LINS1: variants seen among roughly 807,000 people sequenced by gnomAD.
The protein encoded by LINS1 is protein Lines homolog 1.
LINS1 carries 27 observed loss-of-function variants against 41.6 expected under a neutral mutation model. The observed-to-expected ratio is 0.65, with a 90% CI of 0.48 to 0.89. The LOEUF (loss-of-function observed/expected upper bound fraction) is 0.89, where lower values mean the gene tolerates loss of function less well. Among genes scored for constraint, LINS1 ranks in the 40% least tolerant of loss-of-function variants. The pLI, the probability that LINS1 is intolerant of heterozygous loss-of-function variation, is 0.00. For missense variants in LINS1, 955 were observed against 884.1 expected, an observed-to-expected ratio of 1.08 and a Z score of -1.02; for synonymous variants, 336 against 312.9, an observed-to-expected ratio of 1.07 and a Z score of -0.78.
At chr15:100,600,550 G>GC (rs201703689) in intron 1 of LINS1, among the ~76,000 whole-genome samples, 3 of 3,164 alleles carry the variant, frequency 9.5e-4, no homozygotes, top group African/African-American at 4.5e-3. Flanking sequence ...CTGCTGTTAA[G>GC]CAAAAAAAAA....
intron 3 of LINS1, among the ~76,000 whole-genome samples, chr15:100,579,323 A>G (rs1044653294): frequency 1.1e-4 from 17 of 151,910 alleles, no homozygotes; most frequent in Non-Finnish European, 2.2e-4. Flanking sequence ...AATTCAGATT[A>G]CTACTGGATT....
At chr15:100,598,164 C>T (rs558329931) in intron 1 of LINS1, among the ~76,000 whole-genome samples, 13 of 152,314 alleles carry the variant, frequency 8.5e-5, no homozygotes, top group East Asian at 7.7e-4. Context: ...TATACTTTAA[C>T]GATTTGTGCA....
intron 5 of LINS1, chr15:100,573,327 A>AT: frequency 9.6e-7 from 1 of 1,038,436 alleles, no homozygotes; most frequent in Non-Finnish European, 1.2e-6. Flanking sequence ...AAAAAAAAAA[A>AT]GGATTAATAT....
chr15:100,589,478 G>A (rs576887128), intron 1 of LINS1, among the ~76,000 whole-genome samples: 1 of 152,334 alleles, frequency 6.6e-6, no homozygotes, highest in South Asian at 2.1e-4. Context: ...CTAATGTGGA[G>A]AAACAACTGG....
At chr15:100,589,608 C>G (rs1363104065) in intron 1 of LINS1, among the ~76,000 whole-genome samples, 1 of 152,160 alleles carries the variant, frequency 6.6e-6, no homozygotes, top group African/African-American at 2.4e-5. Context: ...CATTCCATGA[C>G]TCATCATAGA....
At chr15:100,599,383 C>CA (rs2039376883) in intron 1 of LINS1, among the ~76,000 whole-genome samples, 1 of 152,170 alleles carries the variant, frequency 6.6e-6, no homozygotes, top group African/African-American at 2.4e-5. Flanking sequence ...GAAACTTTGA[C>CA]AATATGATGT....
At chr15:100,578,745 A>G (rs1219636395) in intron 3 of LINS1, among the ~76,000 whole-genome samples, 1 of 152,188 alleles carries the variant, frequency 6.6e-6, no homozygotes, top group East Asian at 1.9e-4. Flanking sequence ...TTGTGGCACT[A>G]CTCACAATAG....
intron 1 of LINS1, among the ~76,000 whole-genome samples, chr15:100,583,558 C>T (rs1004896455): frequency 7.2e-5 from 11 of 152,316 alleles, no homozygotes; most frequent in Non-Finnish European, 7.3e-5. Context: ...TATACTTTAT[C>T]TCAGCCCTGC....
At chr15:100,581,019 T>A in intron 1 of LINS1, 74 bp from the exon 2 acceptor site, 1 of 579,412 alleles carries the variant, frequency 1.7e-6, no homozygotes, top group Non-Finnish European at 3.0e-6. Flanking sequence ...TGTTTCCACT[T>A]AATCACTAAG....
intron 3 of LINS1, among the ~76,000 whole-genome samples, chr15:100,575,568 A>G (rs920454323): frequency 2.6e-5 from 4 of 152,202 alleles, no homozygotes; most frequent in African/African-American, 4.8e-5. Context: ...CCCACACAAT[A>G]ATAATGGGAG....
In LINS1 at chr15:100,567,695, T is replaced by C. The variant is rs1360739103; in HGVS notation, c.*1543A>G. The C allele has an allele frequency of 6.6e-6, 1 of 152,268 alleles. No individual in the cohort carries two copies. The highest frequency in any genetic ancestry group is 1.5e-5 in the Non-Finnish European group (1 of 68,048). The allele number at this position is 152,268 out of a possible 1,614,324, so 9.4% of individuals were successfully genotyped here. A position where few individuals can be genotyped will look rare whatever the true frequency, so the allele number is the denominator to read the frequency against. On this transcript the variant is annotated 3_prime_UTR_variant, in exon 7 of 7. Coordinates refer to ENST00000314742, the MANE Select transcript of LINS1 (RefSeq NM_001040616.3). ...TTACAAACTATGTGGCATCCTTGAA[T>C]ACACATTCTTTGACGTGCTTTTTCA...
Position 100,570,020 on chromosome 15 carries a change from A to T in LINS1, c.1492T>A (p.Phe498Ile). The T allele has an allele frequency of 1.3e-6, 2 of 1,551,688 alleles. No homozygotes were observed. The highest frequency in any genetic ancestry group is 1.7e-6 in the Non-Finnish European group (2 of 1,154,712). Residue 498 changes from phenylalanine (F) to isoleucine (I), a missense_variant, in exon 7 of 7, where the codon TTC becomes ATC. Coordinates refer to ENST00000314742, the MANE Select transcript of LINS1 (RefSeq NM_001040616.3). ...GAATCAAATCCTATATTTTTCAAGA[A>T]GAACAAGAAAATACAGTGAGGATTA... ...GYNPHCIFLF[F>I]LKNIGFDSTV...
intron 5 of LINS1, 29 bp from the exon 6 acceptor site, chr15:100,572,094 G>C (rs1377386850): frequency 1.2e-6 from 2 of 1,613,054 alleles, no homozygotes; most frequent in South Asian, 2.2e-5. Flanking sequence ...TCAAAGTGTA[G>C]GCAATAGTTT....
In LINS1 at chr15:100,575,090, T is replaced by A. The variant is rs1354363481; in HGVS notation, c.528A>T (p.Lys176Asn). Reference protein sequence around the residue: ...LSNSWIAFCQKNLSEYSESNK... With the variant: ...LSNSWIAFCQNNLSEYSESNK... ...TACTCTCAGAGTATTCAGAAAGATT[T>A]TTCTGGCAAAAAGCAATCCAGGAAT... The change falls in exon 4 of 7, where the codon AAA becomes AAT. Residue 176 changes from lysine to asparagine, a missense_variant. Lys to Asn is a moderately conservative substitution (Grantham distance 94, BLOSUM62 0). Transcript: ENST00000314742. 1 of 1,612,924 alleles carries A rather than the reference T, an allele frequency of 6.2e-7. No individual in the cohort carries two copies. Among genetic ancestry groups the A allele is most frequent in the East Asian group, 2.2e-5 (1 of 44,784 alleles).
chr15:100,574,869 G>T, intron 4 of LINS1, 118 bp downstream of exon 4: 2 of 1,075,710 alleles, frequency 1.9e-6, no homozygotes, highest in Non-Finnish European at 2.8e-6. Context: ...GGAAGAGACT[G>T]ACTTTTTCAT....
rs1299244500 is a variant in LINS1, at chr15:100,569,756, C to T, written c.1756G>A (p.Val586Met). 11 of 1,613,804 alleles carry T rather than the reference C, an allele frequency of 6.8e-6. No homozygotes were observed. The highest frequency in any genetic ancestry group is 9.3e-6 in the Non-Finnish European group (11 of 1,179,842). Residue 586 changes from valine to methionine, a missense_variant, in exon 7 of 7, where the codon GTG becomes ATG. Physicochemically the swap from Val to Met is conservative, Grantham distance 21. Coordinates refer to ENST00000314742, the MANE Select transcript of LINS1 (RefSeq NM_001040616.3). Reference protein sequence around the residue: ...RLTAPHSHRDVCARHSWASDA... With the variant: ...RLTAPHSHRDMCARHSWASDA... ...GAAGCCCAGGAGTGCCGAGCACACA[C>T]ATCTCTGTGACTATGAGGAGCAGTC...
Position 100,580,637 on chromosome 15 carries a change from A to G in LINS1, c.206T>C (p.Ile69Thr), listed in dbSNP as rs766282997. Residue 69 changes from isoleucine to threonine, a missense_variant, in exon 2 of 7, where the codon ATT becomes ACT. Coordinates refer to ENST00000314742, the MANE Select transcript of LINS1 (RefSeq NM_001040616.3). ...HQPISVGVAP[I>T]AVAPVCLKTN... ...CTTCAAACACACAGGTGCTACAGCA[A>G]TGGGAGCCACACCAACAGAGATGGG... The G allele has an allele frequency of 2.2e-5, 36 of 1,613,866 alleles. 1 individual carries two copies. The South Asian group carries it at 3.0e-4, about 13-fold the overall frequency.
At chr15:100,587,503 T>C (rs1274066947) in intron 1 of LINS1, among the ~76,000 whole-genome samples, 2 of 152,200 alleles carry the variant, frequency 1.3e-5, no homozygotes, top group African/African-American at 2.4e-5. Context: ...GTTGGTTTTC[T>C]GTTTGTTTGT....
chr15:100,583,372 A>G (rs1296120459), intron 1 of LINS1, among the ~76,000 whole-genome samples: 1 of 152,238 alleles, frequency 6.6e-6, no homozygotes, highest in Non-Finnish European at 1.5e-5. Context: ...CCACAACACA[A>G]AGCTGCCCTG....
Sources: gnomAD v4.1 joint callset for allele counts (sites outside exome capture counted in the v4.1 genomes callset) on GRCh38, gnomAD v4.1.1 for gene constraint, MANE v1.5 for transcripts, NCBI Gene and HGNC (gene_info 2026-07-23, HGNC 2026-07-21) for gene names.